Variants in FRMPD3 observed in about 807,000 individuals in gnomAD.
FRMPD3 encodes the protein FERM and PDZ domain containing 3.
FRMPD3 carries 42 observed loss-of-function variants against 97.9 expected under a neutral mutation model. That is an observed-to-expected ratio of 0.43 (90% confidence interval 0.34 to 0.55). The LOEUF is 0.55. Among genes scored for constraint, FRMPD3 ranks in the 20% least tolerant of loss-of-function variants. The pLI, the probability that FRMPD3 is intolerant of heterozygous loss-of-function variation, is 0.03. For synonymous variants in FRMPD3, 577 were observed against 581.1 expected (o/e 0.99, Z 0.10); for missense variants, 1,303 against 1,457.7 (o/e 0.89, Z 1.73).
intron 13 of FRMPD3, among the ~76,000 whole-genome samples, chrX:107,577,198 A>C (rs1428427426): frequency 9.5e-6 from 1 of 105,503 alleles, no homozygotes; most frequent in African/African-American, 3.4e-5. Flanking sequence ...AAATACAAAA[A>C]ATAGGCCAGG....
intron 1 of FRMPD3, among the ~76,000 whole-genome samples, chrX:107,526,000 C>T (rs904946189): frequency 1.8e-5 from 2 of 111,002 alleles, no homozygotes; most frequent in Non-Finnish European, 3.8e-5. Context: ...CGCTTGACCC[C>T]GGGAGGTGGA....
At chrX:107,529,475 C>T (rs1247868511) in intron 2 of FRMPD3, among the ~76,000 whole-genome samples, 1 of 110,830 alleles carries the variant, frequency 9.0e-6, no homozygotes, top group Non-Finnish European at 1.9e-5. Context: ...ATCCCAGCTA[C>T]TCAGGAGGCT....
In FRMPD3 at chrX:107,602,773, T is replaced by C; in HGVS notation, c.4734T>C (p.Asn1578=). The change falls in exon 15 of 15, where the codon AAT becomes AAC. Residue 1578 remains asparagine (N), a synonymous_variant. Transcript: ENST00000683843. The part of the protein sequence containing the change: ...STFEGSLAKI[N]ALRAHAYGLP... The stretch of plus-strand genomic sequence containing the variant: ...TCGAGGGGAGCCTGGCCAAGATCAA[T>C]GCCCTGCGGGCCCATGCCTATGGCC... 8.3e-7 allele frequency: 1 copy of C among 1,209,989 alleles called. No homozygotes were observed. The highest frequency in any genetic ancestry group is 1.1e-6 in the Non-Finnish European group (1 of 895,058).
chrX:107,483,947 G>A (rs1602756666), intron 1 of FRMPD3, among the ~76,000 whole-genome samples: 1 of 111,606 alleles, frequency 9.0e-6, no homozygotes, highest in East Asian at 2.8e-4. Flanking sequence ...GCTCTCAGCT[G>A]GAGAGCTTTG....
chrX:107,519,429 G>C (rs949933153), intron 1 of FRMPD3, among the ~76,000 whole-genome samples: 4 of 112,022 alleles, frequency 3.6e-5, no homozygotes, highest in Non-Finnish European at 7.5e-5. Context: ...GGGAGGTCAA[G>C]GCTGCAGTGA....
rs776870479 is a variant in FRMPD3 at position 107,527,709 on chromosome X, C to T, written c.148+973C>T. Among the ~76,000 whole-genome samples, 7 of 112,446 alleles carry T rather than the reference C, an allele frequency of 6.2e-5. No individual in the cohort carries two copies. In the South Asian group the frequency reaches 2.6e-3, roughly 42 times the overall value. On this transcript the variant is annotated intron_variant, in intron 2 of 14. Transcript: ENST00000683843. ...TTTAGATGTTTACAACAGTTTCTCGCTCAGTCAAGAGGAGCAGCCAGAGTA... is the reference window on the plus strand; with the variant it reads ...TTTAGATGTTTACAACAGTTTCTCGTTCAGTCAAGAGGAGCAGCCAGAGTA...
intron 14 of FRMPD3, among the ~76,000 whole-genome samples, chrX:107,599,797 C>T (rs1283343784): frequency 3.7e-5 from 4 of 109,526 alleles, no homozygotes; most frequent in African/African-American, 6.7e-5. Context: ...CCTCTTTGTC[C>T]CCTCCCCTCC....
Position 107,598,124 on chromosome X carries a change from C to T in FRMPD3, c.2245C>T (p.Pro749Ser). The change falls in exon 14 of 15, where the codon CCA becomes TCA. Residue 749 changes from proline to serine, a missense_variant. Physicochemically the swap from Pro to Ser is moderately conservative, Grantham distance 74. This residue lies in a region of FRMPD3 where 535 missense variants were observed against 618.6 expected (regional missense o/e 0.86). Coordinates refer to ENST00000683843, the MANE Select transcript of FRMPD3 (RefSeq NM_001388459.1). ...TGCATCCGAGGATGGACCACACCCA[C>T]CACCCCCACAGACTGCAGGTAATGA... Reference protein sequence around the residue: ...LAASEDGPHPPPPQTAGLIVL... With the variant: ...LAASEDGPHPSPPQTAGLIVL... 1 of 1,205,496 alleles carries T rather than the reference C, an allele frequency of 8.3e-7. No homozygotes were observed. The highest frequency in any genetic ancestry group is 1.1e-6 in the Non-Finnish European group (1 of 891,352).
chrX:107,465,116 TG>T (rs1180686593), intron 1 of FRMPD3, among the ~76,000 whole-genome samples: 2 of 111,259 alleles, frequency 1.8e-5, no homozygotes, highest in Non-Finnish European at 3.8e-5. Context: ...AAGTCACAAA[TG>T]GCAAATGATT....
intron 13 of FRMPD3, among the ~76,000 whole-genome samples, chrX:107,577,669 A>G (rs1280046213): frequency 9.1e-6 from 1 of 109,849 alleles, no homozygotes; most frequent in Non-Finnish European, 1.9e-5. Flanking sequence ...AAACAAACAA[A>G]CAGTAGTCAG....
intron 1 of FRMPD3, among the ~76,000 whole-genome samples, chrX:107,513,778 T>G (rs1415602258): frequency 8.9e-6 from 1 of 112,539 alleles, no homozygotes; most frequent in African/African-American, 3.2e-5. Context: ...TTCACTTCTA[T>G]TCATTCATTG....
At chrX:107,577,035 A>C (rs761601271) in intron 13 of FRMPD3, among the ~76,000 whole-genome samples, 2 of 108,114 alleles carry the variant, frequency 1.8e-5, no homozygotes, top group African/African-American at 3.4e-5. Context: ...CTGCTTGACT[A>C]TTTCTTTCTT....
intron 1 of FRMPD3, among the ~76,000 whole-genome samples, chrX:107,520,256 C>T (rs1701536686): frequency 9.0e-6 from 1 of 110,754 alleles, no homozygotes; most frequent in Non-Finnish European, 1.9e-5. Flanking sequence ...GGAGGCTGCT[C>T]TTACAGACAG....
chrX:107,496,835 T>A (rs913668712), intron 1 of FRMPD3, among the ~76,000 whole-genome samples: 9 of 112,394 alleles, frequency 8.0e-5, no homozygotes, highest in Non-Finnish European at 1.7e-4. Flanking sequence ...TGGGGAGAGC[T>A]GAGCTGGGCA....
chrX:107,542,590 G>GT (rs776984689), intron 4 of FRMPD3, among the ~76,000 whole-genome samples: 15 of 111,746 alleles, frequency 1.3e-4, no homozygotes, highest in South Asian at 1.1e-3. Flanking sequence ...GAAAGAAGTG[G>GT]TTTTTTGCAA....
chrX:107,512,059 GCACA>G (rs910131870), intron 1 of FRMPD3, among the ~76,000 whole-genome samples: 2 of 105,161 alleles, frequency 1.9e-5, no homozygotes, highest in East Asian at 2.9e-4. Flanking sequence ...ACACACACGC[GCACA>G]CACACACACA....
chrX:107,592,850 A>G (rs1385572722), intron 13 of FRMPD3, among the ~76,000 whole-genome samples: 1 of 92,353 alleles, frequency 1.1e-5, no homozygotes, highest in Non-Finnish European at 2.0e-5. Context: ...GATGGAGTGC[A>G]GTGGCACAAC....
chrX:107,509,231 G>A (rs1422873043), intron 1 of FRMPD3, among the ~76,000 whole-genome samples: 2 of 112,436 alleles, frequency 1.8e-5, no homozygotes, highest in African/African-American at 6.5e-5. Flanking sequence ...AGCTGGCTCC[G>A]CAAAGACCCT....
In FRMPD3 at chrX:107,579,804, G is replaced by A. The variant is rs142126414; in HGVS notation, c.1441+3345G>A. On this transcript the variant is annotated intron_variant, in intron 13 of 14. Transcript: ENST00000683843. Reference sequence around the variant, plus strand: ...AAAAAAGGCTTTGAGGGCCTCAGTTGGAGGAACTCACTCTACGTTTTCTAC... The same window carrying A: ...AAAAAAGGCTTTGAGGGCCTCAGTTAGAGGAACTCACTCTACGTTTTCTAC... Among the ~76,000 whole-genome samples the A allele has an allele frequency of 5.3e-4, 59 of 111,496 alleles. 1 individual carries two copies. Among genetic ancestry groups the A allele is most frequent in the African/African-American group, 1.9e-3 (57 of 30,721 alleles).
Sources: allele counts gnomAD v4.1 joint callset (sites outside exome capture counted in the v4.1 genomes callset), GRCh38; gene constraint gnomAD v4.1.1; regional missense constraint gnomAD v4.1.1; transcripts MANE v1.5; gene names NCBI Gene and HGNC (gene_info 2026-07-23, HGNC 2026-07-21).